Variants in ELF2 observed in about 807,000 individuals in gnomAD.
ELF2 encodes the protein ETS-related transcription factor Elf-2.
ELF2 carries 11 observed loss-of-function variants against 54.8 expected under a neutral mutation model. That is an observed-to-expected ratio of 0.20 (90% CI 0.13 to 0.33). The LOEUF (loss-of-function observed/expected upper bound fraction) is 0.33. ELF2 is among the 10% of genes least tolerant of loss of function. The pLI is 1.00. For synonymous variants in ELF2, 203 were observed against 245.1 expected (o/e 0.83, Z 1.61); for missense variants, 513 against 703.0 (o/e 0.73, Z 3.06).
At chr4:139,083,991 C>T in intron 4 of ELF2, 1 of 1,393,942 alleles carries the variant, frequency 7.2e-7, no homozygotes, top group Admixed American at 2.0e-5. Flanking sequence ...CATTCACTCC[C>T]CCCTTTCCCC....
chr4:139,064,166 G>C (rs1728316451), intron 7 of ELF2, among the ~76,000 whole-genome samples: 2 of 152,168 alleles, frequency 1.3e-5, no homozygotes, highest in Non-Finnish European at 2.9e-5. Flanking sequence ...AAATTAGCCA[G>C]GCATGATGGC....
rs147935857 is a variant in ELF2, at chr4:139,128,445, C to T, written c.73-3116G>A. ...TACATTTCTCAAAAAAATAGTCTAA[C>T]TCCTTGACTTATCTATATATTCCTT... On this transcript the variant is annotated intron_variant, in intron 3 of 9. Transcript: ENST00000686138. 8.1e-3 allele frequency among the ~76,000 whole-genome samples: 1,240 copies of T among 152,172 alleles called. 10 individuals carry two copies. Among genetic ancestry groups the T allele is most frequent in the Non-Finnish European group, 0.014 (930 of 68,006 alleles).
At chr4:139,071,794 G>A in intron 6 of ELF2, 72 bp downstream of exon 6, 1 of 1,371,212 alleles carries the variant, frequency 7.3e-7, no homozygotes, top group Non-Finnish European at 9.9e-7. Context: ...TACTTTCTAT[G>A]TCCCTTGATG....
At position 139,060,402 on chromosome 4, in the gene ELF2, T is replaced by C. The variant is rs758735515; in HGVS notation, c.1079A>G (p.Asn360Ser). The change falls in exon 9 of 10, where the codon AAT (asparagine) becomes AGT (serine). Residue 360 changes from asparagine to serine, a missense_variant. This residue lies in a region of ELF2 where 291 missense variants were observed against 366.1 expected (regional missense o/e 0.79). Transcript: ENST00000686138. The stretch of plus-strand genomic sequence containing the variant: ...AGCATCGTGCCCAGGGGAAGTGATA[T>C]TCACAACTCTAGCTACACCCTTCTC... ...RAEKGVARVV[N>S]ITSPGHDASS... 21 of 1,614,060 alleles carry C rather than the reference T, an allele frequency of 1.3e-5. No individual in the cohort carries two copies. The East Asian group carries it at 3.8e-4, about 29-fold the overall frequency.
At chr4:139,129,141 G>A (rs1737241339) in intron 3 of ELF2, among the ~76,000 whole-genome samples, 1 of 151,522 alleles carries the variant, frequency 6.6e-6, no homozygotes, top group South Asian at 2.1e-4. Context: ...TTTCTTCATG[G>A]TGGTCAGGCT....
chr4:139,084,469 T>C (rs1416590865), intron 4 of ELF2: 10 of 1,072,226 alleles, frequency 9.3e-6, no homozygotes, highest in African/African-American at 1.7e-5. Context: ...CGGCTGTGGC[T>C]GTGGCGGCCG....
chr4:139,152,719 A>G (rs1289573353), intron 1 of ELF2, among the ~76,000 whole-genome samples: 1 of 152,050 alleles, frequency 6.6e-6, no homozygotes, highest in African/African-American at 2.4e-5. Context: ...TAGTCATTTA[A>G]CTGATGAAAT....
At chr4:139,115,763 T>A (rs1484362015) in intron 4 of ELF2, among the ~76,000 whole-genome samples, 1 of 152,234 alleles carries the variant, frequency 6.6e-6, no homozygotes, top group Non-Finnish European at 1.5e-5. Context: ...ATTTTTTCCT[T>A]TAGTGGTATA....
chr4:139,173,088 CAA>C (rs887948840), intron 1 of ELF2, among the ~76,000 whole-genome samples: 2 of 151,878 alleles, frequency 1.3e-5, no homozygotes, highest in African/African-American at 4.8e-5. Flanking sequence ...TGGATTAAGA[CAA>C]AACCAATCAG....
chr4:139,137,507 T>C, intron 3 of ELF2, 123 bp downstream of exon 3: 2 of 960,106 alleles, frequency 2.1e-6, no homozygotes, highest in Non-Finnish European at 3.2e-6. Flanking sequence ...ACACGACATG[T>C]ACATGTATAA....
At chr4:139,061,198 A>ATTT (rs1727799725) in intron 8 of ELF2, among the ~76,000 whole-genome samples, 3 of 123,526 alleles carry the variant, frequency 2.4e-5, no homozygotes, top group African/African-American at 9.3e-5. Context: ...TTTTTTTTTG[A>ATTT]GAGTCTCGCT....
rs199589709 is a variant in ELF2 at position 139,070,955 on chromosome 4, T to TA, written c.526+910dup. ...CATTTTACTCTAAAATGTGAAGAGT[T>TA]AGAGAAGAAAGGAGAATTAGATGAA... is the stretch of plus-strand genomic sequence containing the variant. On this transcript the variant is annotated intron_variant, in intron 6 of 9. Coordinates refer to ENST00000686138, the MANE Select transcript of ELF2 (RefSeq NM_001331036.3). Among the ~76,000 whole-genome samples, 1,063 of 152,304 alleles carry TA rather than the reference T, an allele frequency of 7.0e-3. 16 individuals are homozygous for TA. The highest frequency in any genetic ancestry group is 0.024 in the African/African-American group (1,011 of 41,546).
intron 4 of ELF2, among the ~76,000 whole-genome samples, chr4:139,076,086 C>T (rs1270997043): frequency 2.2e-4 from 34 of 152,172 alleles, no homozygotes; most frequent in Non-Finnish European, 1.5e-5. Flanking sequence ...TCCCTAAATG[C>T]TAAAGCCTCA....
chr4:139,074,186 C>CAAAGAAAGATCCTTG (rs1729942551), intron 4 of ELF2, among the ~76,000 whole-genome samples: 1 of 152,022 alleles, frequency 6.6e-6, no homozygotes, highest in African/African-American at 2.4e-5. Context: ...CAAAGGAAAA[C>CAAAGAAAGATCCTTG]AAAGAAAGAT....
At chr4:139,137,512 G>T in intron 3 of ELF2, 118 bp downstream of exon 3, 1 of 1,005,792 alleles carries the variant, frequency 9.9e-7, no homozygotes, top group Non-Finnish European at 1.5e-6. Flanking sequence ...ACATGTACAT[G>T]TATAATTTCA....
intron 3 of ELF2, among the ~76,000 whole-genome samples, chr4:139,128,566 G>A (rs1737178453): frequency 6.6e-6 from 1 of 150,736 alleles, no homozygotes; most frequent in Admixed American, 6.6e-5. Context: ...CTGTCGCCCA[G>A]GTTGGAGTGC....
chr4:139,068,009 G>A (rs1338367096), intron 6 of ELF2, among the ~76,000 whole-genome samples: 1 of 151,892 alleles, frequency 6.6e-6, no homozygotes, highest in African/African-American at 2.4e-5. Flanking sequence ...CATATACATT[G>A]GTCAGAGCCT....
intron 4 of ELF2, among the ~76,000 whole-genome samples, chr4:139,119,523 A>G (rs963394136): frequency 6.6e-6 from 1 of 152,174 alleles, no homozygotes; most frequent in Non-Finnish European, 1.5e-5. Flanking sequence ...GAATCTCCCA[A>G]GGTGACTCCC....
intron 1 of ELF2, among the ~76,000 whole-genome samples, chr4:139,175,186 A>C (rs908559650): frequency 6.6e-6 from 1 of 152,176 alleles, no homozygotes; most frequent in Non-Finnish European, 1.5e-5. Context: ...AAAGCCACTA[A>C]CATTAGCAGA....
Sources: gnomAD v4.1 joint callset for allele counts (sites outside exome capture counted in the v4.1 genomes callset) on GRCh38, gnomAD v4.1.1 for gene constraint, gnomAD v4.1.1 regional missense constraint, MANE v1.5 for transcripts, NCBI Gene and HGNC (gene_info 2026-07-23, HGNC 2026-07-21) for gene names.